SLC25A31: variants seen among roughly 807,000 people sequenced by gnomAD.
SLC25A31 encodes ADP/ATP translocase 4.
Under a neutral mutation model 36.2 loss-of-function variants are expected in SLC25A31, and 40 were observed. That is an observed-to-expected ratio of 1.10 (90% CI 0.86 to 1.44). SLC25A31 has a LOEUF of 1.44. Ranked by LOEUF, SLC25A31 falls within the 40% of genes most tolerant of loss-of-function variation. The pLI, the probability that SLC25A31 is intolerant of heterozygous loss-of-function variation, is 0.00. For missense variants in SLC25A31, 350 were observed against 397.1 expected, an observed-to-expected ratio of 0.88 and a Z score of 1.01; for synonymous variants, 143 against 149.7, an observed-to-expected ratio of 0.96 and a Z score of 0.32.
chr4:127,760,461 G>A (rs1732105961), intron 2 of SLC25A31, among the ~76,000 whole-genome samples: 1 of 152,130 alleles, frequency 6.6e-6, no homozygotes, highest in South Asian at 2.1e-4. Context: ...TGACTAGACT[G>A]GATGAGCCTC....
At chr4:127,740,844 A>G (rs1479167894) in intron 1 of SLC25A31, among the ~76,000 whole-genome samples, 1 of 152,140 alleles carries the variant, frequency 6.6e-6, no homozygotes, top group African/African-American at 2.4e-5. Flanking sequence ...ACTGCACCAC[A>G]ATCTCTGCAC....
chr4:127,745,431 T>C (rs1311601598), intron 2 of SLC25A31, among the ~76,000 whole-genome samples: 2 of 152,146 alleles, frequency 1.3e-5, no homozygotes, highest in African/African-American at 2.4e-5. Flanking sequence ...CAATACACTA[T>C]ACTACCTACA....
chr4:127,730,831 CCA>C, intron 1 of SLC25A31, 54 bp downstream of exon 1: 2 of 1,518,838 alleles, frequency 1.3e-6, no homozygotes, highest in Non-Finnish European at 1.8e-6. Flanking sequence ...CGTCAGCTTC[CCA>C]GAGAAGAGGG....
chr4:127,772,750 T>C (rs1001030000), intron 5 of SLC25A31, among the ~76,000 whole-genome samples: 11 of 151,898 alleles, frequency 7.2e-5, no homozygotes, highest in Non-Finnish European at 1.6e-4. Context: ...GAAGAAGTGT[T>C]CTTAACATCC....
chr4:127,767,068 C>A lies in SLC25A31; in HGVS notation c.481C>A (p.Pro161Thr). The A allele has an allele frequency of 6.2e-7, 1 of 1,607,498 alleles. No homozygotes were observed. Among genetic ancestry groups the A allele is most frequent in the South Asian group, 1.1e-5 (1 of 89,630 alleles). ...TRLGVDIGKG[P>T]EERQFKGLGD... ...GATTTTAAATGGCTTTATTTTAGGT[C>A]CTGAGGAGCGACAATTCAAGGGTTT... The change falls in exon 4 of 6, where the codon CCT (proline) becomes ACT (threonine). Residue 161 changes from proline (P) to threonine (T), a missense_variant and splice_region_variant. Physicochemically the swap from Pro to Thr is conservative, Grantham distance 38 (BLOSUM62 -1). Transcript: ENST00000281154.
intron 1 of SLC25A31, among the ~76,000 whole-genome samples, chr4:127,736,842 TCCAGATG>T (rs1731642316): frequency 6.6e-6 from 1 of 152,240 alleles, no homozygotes; most frequent in South Asian, 2.1e-4. Flanking sequence ...AAACATGTAC[TCCAGATG>T]TTCATTTGTA....
intron 2 of SLC25A31, among the ~76,000 whole-genome samples, chr4:127,762,026 T>C (rs1475343558): frequency 6.6e-6 from 1 of 152,174 alleles, no homozygotes; most frequent in African/African-American, 2.4e-5. Context: ...TGAGTGTTAC[T>C]TAAAAAGATC....
intron 2 of SLC25A31, among the ~76,000 whole-genome samples, chr4:127,752,984 G>C (rs997841083): frequency 4.6e-5 from 7 of 152,198 alleles, no homozygotes; most frequent in African/African-American, 1.4e-4. Flanking sequence ...AATTTAAGGA[G>C]GTTGAAATCA....
chr4:127,759,361 A>T (rs1443892739), intron 2 of SLC25A31, among the ~76,000 whole-genome samples: 1 of 151,786 alleles, frequency 6.6e-6, no homozygotes, highest in African/African-American at 2.4e-5. Flanking sequence ...TCAGGTCTAG[A>T]GGTATATTTA....
chr4:127,773,213 T>C (rs1471019496), intron 5 of SLC25A31, among the ~76,000 whole-genome samples, 173 bp from the exon 6 acceptor site: 1 of 152,210 alleles, frequency 6.6e-6, no homozygotes, highest in Admixed American at 6.5e-5. Context: ...TTTTCAAGTG[T>C]GCCTGAAAAG....
At chr4:127,770,978 A>C (rs949426723) in intron 5 of SLC25A31, among the ~76,000 whole-genome samples, 1 of 105,772 alleles carries the variant, frequency 9.5e-6, no homozygotes, top group Non-Finnish European at 1.7e-5. Context: ...TTTTTTGGAG[A>C]TGGAGTCTCA....
In SLC25A31 at chr4:127,768,852, C is replaced by T. The variant is rs372171427; in HGVS notation, c.734C>T (p.Thr245Ile). ...GGAATACTTTCTTATCCCTTTGACA[C>T]AGTTAGAAGACGTATGATGATGCAG... ...CSGILSYPFD[T>I]VRRRMMMQSG... Residue 245 changes from threonine to isoleucine, a missense_variant, in exon 5 of 6, where the codon ACA (threonine) becomes ATA (isoleucine). Thr to Ile is a moderately conservative substitution (Grantham distance 89, BLOSUM62 -1). Transcript: ENST00000281154. The T allele has an allele frequency of 4.2e-5, 67 of 1,602,132 alleles. No individual in the cohort carries two copies. The highest frequency in any genetic ancestry group is 3.4e-4 in the African/African-American group (25 of 74,548).
intron 5 of SLC25A31, among the ~76,000 whole-genome samples, chr4:127,773,022 A>G (rs981104767): frequency 5.3e-5 from 8 of 152,006 alleles, no homozygotes; most frequent in African/African-American, 1.9e-4. Flanking sequence ...GGCTCAAGCG[A>G]TCTTCCTGTC....
At chr4:127,750,240 CT>C (rs1731904090) in intron 2 of SLC25A31, among the ~76,000 whole-genome samples, 1 of 152,100 alleles carries the variant, frequency 6.6e-6, no homozygotes. Context: ...AAAGTATAAA[CT>C]TAAGTGGTAA....
At chr4:127,742,959 T>TA (rs1175359209) in intron 1 of SLC25A31, among the ~76,000 whole-genome samples, 9 of 152,106 alleles carry the variant, frequency 5.9e-5, no homozygotes, top group Admixed American at 2.0e-4. Context: ...CAAAAATTGT[T>TA]ACAGCAGTTT....
intron 3 of SLC25A31, 38 bp from the exon 4 acceptor site, chr4:127,767,028 A>G (rs1395181667): frequency 6.4e-7 from 1 of 1,562,160 alleles, no homozygotes; most frequent in South Asian, 1.2e-5. Context: ...TATTGGATAT[A>G]TAATGTTGCT....
At chr4:127,731,749 G>A (rs924168812) in intron 1 of SLC25A31, among the ~76,000 whole-genome samples, 5 of 151,922 alleles carry the variant, frequency 3.3e-5, no homozygotes, top group East Asian at 1.9e-4. Flanking sequence ...ACTAGAGAGA[G>A]AGCTGTTCTC....
intron 2 of SLC25A31, among the ~76,000 whole-genome samples, chr4:127,750,557 A>G (rs1731909798): frequency 6.6e-6 from 1 of 152,242 alleles, no homozygotes; most frequent in East Asian, 1.9e-4. Context: ...ATTATTAAAA[A>G]CAACTATAAT....
At chr4:127,736,296 C>G (rs1473244284) in intron 1 of SLC25A31, among the ~76,000 whole-genome samples, 2 of 152,042 alleles carry the variant, frequency 1.3e-5, no homozygotes, top group Non-Finnish European at 2.9e-5. Context: ...TTTTTCTCAT[C>G]CTTCTTAAAT....
Sources: allele counts gnomAD v4.1 joint callset (sites outside exome capture counted in the v4.1 genomes callset), GRCh38; gene constraint gnomAD v4.1.1; transcripts MANE v1.5; gene names NCBI Gene and HGNC (gene_info 2026-07-23, HGNC 2026-07-21).